COL5A2: variants seen among roughly 807,000 people sequenced by gnomAD.
COL5A2 encodes collagen type V alpha 2 chain.
COL5A2 carries 23 observed loss-of-function variants against 208.2 expected under a neutral mutation model. The ratio of observed to expected loss-of-function variants is 0.11; its 90% CI spans 0.08 to 0.16. COL5A2 has a LOEUF of 0.16. COL5A2 is among the 10% of genes least tolerant of loss of function. The probability of loss-of-function intolerance (pLI) is 1.00; values close to 1 mark genes in which losing one functional copy is unlikely to be tolerated. For missense variants in COL5A2, 1,590 were observed against 1,956.4 expected (o/e 0.81, Z 3.53); for synonymous variants, 625 against 628.5 (o/e 0.99, Z 0.08).
chr2:189,362,776 G>C, the COL5A2 span, among the ~76,000 whole-genome samples: 1 of 151,918 alleles, frequency 6.6e-6, no homozygotes, highest in African/African-American at 2.4e-5. Flanking sequence ...GAGTAGAACA[G>C]AGCAAACAAC....
intron 1 of COL5A2, among the ~76,000 whole-genome samples, chr2:189,113,397 C>T (rs1056346300): frequency 3.3e-5 from 5 of 152,050 alleles, no homozygotes; most frequent in African/African-American, 1.2e-4. Context: ...TATGCTACTG[C>T]ACTCCATCTT....
At chr2:189,065,436 C>G (rs1405743216) in intron 23 of COL5A2, among the ~76,000 whole-genome samples, 1 of 151,530 alleles carries the variant, frequency 6.6e-6, no homozygotes. Flanking sequence ...GGCTGAGGCA[C>G]AAGAATTTCT....
chr2:189,285,327 G>T, the COL5A2 span, among the ~76,000 whole-genome samples: 1 of 151,908 alleles, frequency 6.6e-6, no homozygotes, highest in Non-Finnish European at 1.5e-5. Flanking sequence ...TATTTTACCT[G>T]TTAAAGCCCT....
chr2:189,367,006 C>A, the COL5A2 span, among the ~76,000 whole-genome samples: 1 of 152,184 alleles, frequency 6.6e-6, no homozygotes, highest in African/African-American at 2.4e-5. Context: ...CATTTTATTT[C>A]TATCCAATGC....
At chr2:189,287,829 T>A in the COL5A2 span, among the ~76,000 whole-genome samples, 1 of 152,226 alleles carries the variant, frequency 6.6e-6, no homozygotes, top group Non-Finnish European at 1.5e-5. Context: ...ATTTTAGACA[T>A]CTAGTTTTTT....
the COL5A2 span, among the ~76,000 whole-genome samples, chr2:189,401,919 T>A: frequency 6.6e-6 from 1 of 152,216 alleles, no homozygotes; most frequent in Non-Finnish European, 1.5e-5. Flanking sequence ...TGGGGCTGTT[T>A]TTTTCTTGTA....
At chr2:189,092,194 A>G (rs2105667704) in intron 7 of COL5A2, 116 bp downstream of exon 7, 1 of 750,224 alleles carries the variant, frequency 1.3e-6, no homozygotes, top group South Asian at 1.5e-5. Context: ...GACCTTATTT[A>G]ACTGCTCTTA....
chr2:189,301,755 T>C, the COL5A2 span, among the ~76,000 whole-genome samples: 1 of 152,170 alleles, frequency 6.6e-6, no homozygotes, highest in African/African-American at 2.4e-5. Flanking sequence ...ATTCTCCACA[T>C]TTATTTGACA....
chr2:189,073,810 T>G (rs1299183518), intron 17 of COL5A2, among the ~76,000 whole-genome samples: 1 of 152,184 alleles, frequency 6.6e-6, no homozygotes, highest in East Asian at 1.9e-4. Context: ...ACTTTATGTC[T>G]TGAAGCTCTT....
intron 1 of COL5A2, among the ~76,000 whole-genome samples, chr2:189,197,180 T>C (rs13408928): frequency 0.15 from 22,132 of 151,938 alleles, 2,728 homozygotes; most frequent in African/African-American, 0.33. Context: ...CAAACTAACA[T>C]AGGAACAGAA....
chr2:189,251,853 T>C, the COL5A2 span, among the ~76,000 whole-genome samples: 4 of 152,174 alleles, frequency 2.6e-5, no homozygotes, highest in Admixed American at 1.3e-4. Flanking sequence ...AATTTTGCAA[T>C]CTACTCATCT....
the COL5A2 span, among the ~76,000 whole-genome samples, chr2:189,302,654 G>A: frequency 6.6e-6 from 1 of 152,150 alleles, no homozygotes; most frequent in Non-Finnish European, 1.5e-5. Flanking sequence ...GAAAATTCCA[G>A]AAATGAACAA....
the COL5A2 span, among the ~76,000 whole-genome samples, chr2:189,346,436 G>A: frequency 6.6e-6 from 1 of 152,108 alleles, no homozygotes. Flanking sequence ...TTGGAGCTAT[G>A]TATACATTTC....
Position 189,045,181 on chromosome 2 carries a change from G to A in COL5A2, c.3361C>T (p.Pro1121Ser), listed in dbSNP as rs559604265. ...AAAAACAAAAAAAGAGAACTTACAGGTAATCCACGTTTCCCAGCTCGACCA... is the reference window on the plus strand; with the variant it reads ...AAAAACAAAAAAAGAGAACTTACAGATAATCCACGTTTCCCAGCTCGACCA... ...PPGRAGKRGL[P>S]GPQGPRGDKG... Residue 1121 changes from proline (P) to serine (S), a missense_variant and splice_region_variant, in exon 47 of 54, where the codon CCT becomes TCT. Physicochemically the swap from Pro to Ser is moderately conservative, Grantham distance 74 (BLOSUM62 -1). Coordinates refer to ENST00000374866, the MANE Select transcript of COL5A2 (RefSeq NM_000393.5). 2 of 1,602,470 alleles carry A rather than the reference G, an allele frequency of 1.2e-6. No individual in the cohort carries two copies. Among genetic ancestry groups the A allele is most frequent in the South Asian group, 2.3e-5 (2 of 88,656 alleles).
chr2:189,293,582 G>A, the COL5A2 span, among the ~76,000 whole-genome samples: 85 of 152,140 alleles, frequency 5.6e-4, no homozygotes, highest in Non-Finnish European at 1.1e-3. Flanking sequence ...GAATTAAGTC[G>A]TGAAGGCGAA....
chr2:189,262,043 T>C, the COL5A2 span, among the ~76,000 whole-genome samples: 1 of 152,300 alleles, frequency 6.6e-6, no homozygotes, highest in Non-Finnish European at 1.5e-5. Context: ...TCTAAGAATT[T>C]GTTAAATGAC....
chr2:189,407,690 A>C, the COL5A2 span, among the ~76,000 whole-genome samples: 2 of 152,132 alleles, frequency 1.3e-5, no homozygotes, highest in African/African-American at 4.8e-5. Context: ...CTACCCAGAG[A>C]CATAATTTTA....
chr2:189,295,316 T>C, the COL5A2 span, among the ~76,000 whole-genome samples: 3 of 152,270 alleles, frequency 2.0e-5, no homozygotes, highest in South Asian at 6.2e-4. Context: ...ATACTAAAGA[T>C]TCCCTGGCTG....
chr2:189,219,678 GAAAAGCATATAGTTT>G (rs531771183), intron 1 of COL5A2, among the ~76,000 whole-genome samples: 46 of 152,254 alleles, frequency 3.0e-4, no homozygotes, highest in African/African-American at 1.1e-3. Context: ...GAATGAATGG[GAAAAGCATATAGTTT>G]AAACTTTTTA....
Sources: gnomAD v4.1 joint callset for allele counts (sites outside exome capture counted in the v4.1 genomes callset) on GRCh38, gnomAD v4.1.1 for gene constraint, MANE v1.5 for transcripts, NCBI Gene and HGNC (gene_info 2026-07-23, HGNC 2026-07-21) for gene names.